B4GALT7: variants seen among roughly 807,000 people sequenced by gnomAD.
B4GALT7 encodes the protein UDP-Gal:beta-GlcNAc beta-1,4-galactosyltransferase 7.
B4GALT7 carries 30 observed loss-of-function variants against 33.0 expected under a neutral mutation model. The ratio of observed to expected loss-of-function variants is 0.91; its 90% confidence interval spans 0.68 to 1.23. The LOEUF (loss-of-function observed/expected upper bound fraction) is 1.23, where lower values mean the gene tolerates loss of function less well. Ranked by LOEUF, B4GALT7 falls within the 50% of genes most tolerant of loss-of-function variation. B4GALT7 has a pLI of 0.00. For missense variants in B4GALT7, 507 were observed against 450.8 expected, an observed-to-expected ratio of 1.12 and a Z score of -1.13; for synonymous variants, 213 against 187.2, an observed-to-expected ratio of 1.14 and a Z score of -1.13.
rs1768067989 is a variant in B4GALT7 at position 177,608,161 on chromosome 5, T to C, written c.640-378T>C. On this transcript the variant is annotated intron_variant, in intron 3 of 5. Coordinates refer to ENST00000029410, the MANE Select transcript of B4GALT7 (RefSeq NM_007255.3). The surrounding 1 kb of genome is among the most constrained non-coding windows in gnomAD (Gnocchi z 4.1). Reference sequence around the variant, plus strand: ...CAGGTGCAAGAATGGGTGTCTGTCATGGAACCCTGCTACCCCTCTCACACA... The same window carrying C: ...CAGGTGCAAGAATGGGTGTCTGTCACGGAACCCTGCTACCCCTCTCACACA... 3.6e-6 allele frequency: 1 copy of C among 278,238 alleles called. No individual in the cohort carries two copies. The highest frequency in any genetic ancestry group is 7.0e-6 in the Non-Finnish European group (1 of 143,582). The allele number at this position is 278,238 out of a possible 1,614,324, so 17.2% of individuals were successfully genotyped here. A position where few individuals can be genotyped will look rare whatever the true frequency, so the allele number is the denominator to read the frequency against.
intron 5 of B4GALT7, 56 bp from the exon 6 acceptor site, chr5:177,609,484 G>A: frequency 6.2e-7 from 1 of 1,605,116 alleles, no homozygotes; most frequent in Non-Finnish European, 8.5e-7. Flanking sequence ...GGGGTCAGTG[G>A]GTAGCTGGCA....
rs557374282 is a variant in B4GALT7 at position 177,609,620 on chromosome 5, C to T, written c.909C>T (p.Gly303=). 169 of 1,614,002 alleles carry T rather than the reference C, an allele frequency of 1.0e-4. No homozygotes were observed. The highest frequency in any genetic ancestry group is 1.3e-4 in the Non-Finnish European group (154 of 1,180,018). ...HVASRTALSV[G]GAPCTVLNIM... ...CTTCCCGCACTGCCCTGTCTGTGGG[C>T]GGGGCCCCCTGCACTGTCCTCAACA... The change falls in exon 6 of 6, where the codon GGC becomes GGT. Residue 303 remains glycine, a synonymous_variant. Coordinates refer to ENST00000029410, the MANE Select transcript of B4GALT7 (RefSeq NM_007255.3).
chr5:177,603,146 G>T lies in B4GALT7; in HGVS notation c.51-1033G>T, dbSNP rs888702983. 5.4e-6 allele frequency: 5 copies of T among 926,036 alleles called. No homozygotes were observed. In the African/African-American group the frequency reaches 9.0e-5, roughly 17 times the overall value. The allele number at this position is 926,036 out of a possible 1,614,324, so 57.4% of individuals were successfully genotyped here. A position where few individuals can be genotyped will look rare whatever the true frequency, so the allele number is the denominator to read the frequency against. ...TGCACCTGCCTCGGCCTCCCAAAGT[G>T]CTGGGATTACAGGCGTGAGCCACCA... On this transcript the variant is annotated intron_variant, in intron 1 of 5. Coordinates refer to ENST00000029410, the MANE Select transcript of B4GALT7 (RefSeq NM_007255.3).
chr5:177,600,384 T>G lies in B4GALT7; in HGVS notation c.50+124T>G. 1.3e-6 allele frequency: 1 copy of G among 781,462 alleles called. No homozygotes were observed. The highest frequency in any genetic ancestry group is 1.7e-6 in the Non-Finnish European group (1 of 577,958). 48.4% of individuals were successfully genotyped at this position (781,462 alleles called of 1,614,324 possible). A position where few individuals can be genotyped will look rare whatever the true frequency, so the allele number is the denominator to read the frequency against. On this transcript the variant is annotated intron_variant, in intron 1 of 5. Transcript: ENST00000029410. The surrounding 1 kb of genome is among the most constrained non-coding windows in gnomAD (Gnocchi z 4.4). ...GTCTGCGGGTTTCTGTGAGGGCGTG[T>G]GGTTCTCCCTGTGGGTCCCTGGCGC...
At chr5:177,604,919 G>C (rs1173369531) in intron 2 of B4GALT7, 2 of 462,908 alleles carry the variant, frequency 4.3e-6, no homozygotes, top group African/African-American at 4.0e-5. Context: ...GAGGGTCAAG[G>C]CCACGGCTTT....
At chr5:177,605,184 G>T in intron 2 of B4GALT7, 1 of 382,776 alleles carries the variant, frequency 2.6e-6, no homozygotes, top group Non-Finnish European at 5.2e-6. Flanking sequence ...ACCCAACCTG[G>T]AGTCCAAGGT....
At position 177,600,798 on chromosome 5, in the gene B4GALT7, C is replaced by A. The variant is rs1435130690; in HGVS notation, c.50+538C>A. The stretch of plus-strand genomic sequence containing the variant: ...AACACTTCCCCCCATCCTTCGCAGG[C>A]CACCAGCAGAACCCACCAGACAGAA... On this transcript the variant is annotated intron_variant, in intron 1 of 5. Transcript: ENST00000029410. The surrounding 1 kb of genome is among the most constrained non-coding windows in gnomAD (Gnocchi z 4.4). Among the ~76,000 whole-genome samples, 1 of 152,166 alleles carries A rather than the reference C, an allele frequency of 6.6e-6. No homozygotes were observed. Among genetic ancestry groups the A allele is most frequent in the Non-Finnish European group, 1.5e-5 (1 of 68,032 alleles).
In B4GALT7 at chr5:177,609,443, G is replaced by A. The variant is rs536382767; in HGVS notation, c.829-97G>A. 15 of 1,452,266 alleles carry A rather than the reference G, an allele frequency of 1.0e-5. No homozygotes were observed. The Admixed American group carries it at 2.0e-4, about 19-fold the overall frequency. The allele number at this position is 1,452,266 out of a possible 1,614,324, so 90.0% of individuals were successfully genotyped here. On this transcript the variant is annotated intron_variant, in intron 5 of 5. Coordinates refer to ENST00000029410, the MANE Select transcript of B4GALT7 (RefSeq NM_007255.3). The stretch of plus-strand genomic sequence containing the variant: ...CTCTGGGTTCTTCCTCTCCAGTGGG[G>A]ACCACAGGACCTCTGATGGCGAGGT...
At chr5:177,603,938 C>A in intron 1 of B4GALT7, 2 of 572,404 alleles carry the variant, frequency 3.5e-6, no homozygotes, top group Non-Finnish European at 6.2e-6. Context: ...GCTCTGTGAA[C>A]TGGGAGTGGT....
chr5:177,604,191 C>T lies in B4GALT7; in HGVS notation c.63C>T (p.Leu21=). ...GCGCTTGCTCCAGGTCCGGGTTGCT[C>T]TCCGGCGGCCTCCCTCGGAAGTGTT... is the stretch of plus-strand genomic sequence containing the variant. The part of the protein sequence containing the change: ...LPWEDGRSGL[L]SGGLPRKCSV... Residue 21 remains leucine, a synonymous_variant, in exon 2 of 6, where the codon CTC becomes CTT. Coordinates refer to ENST00000029410, the MANE Select transcript of B4GALT7 (RefSeq NM_007255.3). 6.2e-7 allele frequency: 1 copy of T among 1,613,592 alleles called. No homozygotes were observed. Among genetic ancestry groups the T allele is most frequent in the Non-Finnish European group, 8.5e-7 (1 of 1,179,944 alleles).
chr5:177,605,025 C>G (rs762021938), intron 2 of B4GALT7: 2 of 455,892 alleles, frequency 4.4e-6, no homozygotes, highest in Non-Finnish European at 8.8e-6. Flanking sequence ...CCCACCAGCC[C>G]CCACCTCCTT....
rs916990899 is a variant in B4GALT7 at position 177,604,606 on chromosome 5, T to A, written c.413+65T>A. ...CCGGGCTCAGGCTTCTCAGGCCCTGTGAGAGGCCACCTGGGGCAGGGGCAG... is the reference window on the plus strand; with the variant it reads ...CCGGGCTCAGGCTTCTCAGGCCCTGAGAGAGGCCACCTGGGGCAGGGGCAG... On this transcript the variant is annotated intron_variant, in intron 2 of 5. Transcript: ENST00000029410. 113 of 1,605,040 alleles carry A rather than the reference T, an allele frequency of 7.0e-5. 3 individuals carry two copies. The South Asian group carries it at 1.1e-3, about 16-fold the overall frequency.
At chr5:177,605,195 C>A in intron 2 of B4GALT7, 1 of 369,476 alleles carries the variant, frequency 2.7e-6, no homozygotes, top group South Asian at 2.0e-5. Flanking sequence ...AGTCCAAGGT[C>A]CATCATTAAA....
chr5:177,603,193 T>G (rs1186577440), intron 1 of B4GALT7: 2 of 985,228 alleles, frequency 2.0e-6, no homozygotes, highest in African/African-American at 1.7e-5. Flanking sequence ...GAGATAGAAT[T>G]TATAAGACCT....
chr5:177,605,179 A>C, intron 2 of B4GALT7: 2 of 379,332 alleles, frequency 5.3e-6, no homozygotes, highest in African/African-American at 2.1e-5. Context: ...TCCTTACCCA[A>C]CCTGGAGTCC....
Position 177,608,972 on chromosome 5 carries a change from C to A in B4GALT7, c.786C>A (p.Ala262=). ...CATTTCGCCACCTGCATGACCCAGC[C>A]TGGCGGAAGAGGGACCAGAAGCGCA... is the stretch of plus-strand genomic sequence containing the variant. The part of the protein sequence containing the change: ...YKTFRHLHDP[A]WRKRDQKRIA... The change falls in exon 5 of 6, where the codon GCC becomes GCA. Residue 262 remains alanine, a synonymous_variant. Transcript: ENST00000029410. This position sits in a 1 kb window ranked among gnomAD's most constrained non-coding sequence, Gnocchi z 4.1. 1 of 1,613,328 alleles carries A rather than the reference C, an allele frequency of 6.2e-7. No individual in the cohort carries two copies. The highest frequency in any genetic ancestry group is 1.1e-5 in the South Asian group (1 of 91,086).
intron 3 of B4GALT7, chr5:177,607,747 G>A (rs1768057767): frequency 6.7e-6 from 4 of 599,406 alleles, no homozygotes; most frequent in South Asian, 2.0e-5. Context: ...GGTGGTTAGT[G>A]GCCCTTAACA....
rs1581994603 is a variant in B4GALT7 at position 177,606,749 on chromosome 5, A to C, written c.414-553A>C. The C allele has an allele frequency of 4.3e-6, 1 of 233,480 alleles. No homozygotes were observed. Among genetic ancestry groups the C allele is most frequent in the South Asian group, 5.9e-5 (1 of 16,930 alleles). The allele number at this position is 233,480 out of a possible 1,614,324, so 14.5% of individuals were successfully genotyped here. On this transcript the variant is annotated intron_variant, in intron 2 of 5. Coordinates refer to ENST00000029410, the MANE Select transcript of B4GALT7 (RefSeq NM_007255.3). This position sits in a 1 kb window ranked among gnomAD's most constrained non-coding sequence, Gnocchi z 4.2. ...TTGGGCCTTGTGCAGTCACTGTGTC[A>C]CCCCCAACATCCCCACCTCTGCCCT...
At chr5:177,603,221 T>C in intron 1 of B4GALT7, 1 of 985,346 alleles carries the variant, frequency 1.0e-6, no homozygotes, top group Non-Finnish European at 1.2e-6. Flanking sequence ...AATCGCTGAC[T>C]CTTAAGATTG....
Sources: allele counts gnomAD v4.1 joint callset (sites outside exome capture counted in the v4.1 genomes callset), GRCh38; gene constraint gnomAD v4.1.1; non-coding constraint Gnocchi (gnomAD v3.1); transcripts MANE v1.5; gene names NCBI Gene and HGNC (gene_info 2026-07-23, HGNC 2026-07-21).